Variants in MCPH1 observed in about 807,000 individuals in gnomAD.
MCPH1 encodes microcephalin.
MCPH1 carries 104 observed loss-of-function variants against 84.5 expected under a neutral mutation model. The ratio of observed to expected loss-of-function variants is 1.23; its 90% CI spans 1.05 to 1.45. The LOEUF (loss-of-function observed/expected upper bound fraction) is 1.45, where lower values mean the gene tolerates loss of function less well. MCPH1 is among the 40% of genes most tolerant of loss of function. The pLI is 0.00. For synonymous variants in MCPH1, 514 were observed against 366.8 expected, an observed-to-expected ratio of 1.40 and a Z score of -4.58; for missense variants, 1,498 against 1,005.7, an observed-to-expected ratio of 1.49 and a Z score of -6.62.
At chr8:6,534,697 A>G (rs545023836) in intron 12 of MCPH1, among the ~76,000 whole-genome samples, 2 of 152,346 alleles carry the variant, frequency 1.3e-5, no homozygotes, top group East Asian at 1.9e-4. Context: ...GCCAGCAACC[A>G]TCTCTATTAT....
chr8:6,612,587 T>C (rs1830380357), intron 12 of MCPH1, among the ~76,000 whole-genome samples: 1 of 152,204 alleles, frequency 6.6e-6, no homozygotes, highest in Admixed American at 6.5e-5. Flanking sequence ...TGACCCCCAC[T>C]GCGTCCGGCA....
At chr8:6,468,299 G>A (rs1004519547) in intron 9 of MCPH1, among the ~76,000 whole-genome samples, 1 of 152,122 alleles carries the variant, frequency 6.6e-6, no homozygotes, top group African/African-American at 2.4e-5. Context: ...GTTCCCGGGT[G>A]TCACCTGTGC....
Position 6,562,552 on chromosome 8 carries a change from C to CTTTTTTTTTTTGTTTTTTTTTTTT in MCPH1, c.2215-58891_2215-58890insGTTTTTTTTTTTTTTTTTTTTTTT, listed in dbSNP as rs1825706400. 2.8e-5 allele frequency: 2 copies of CTTTTTTTTTTTGTTTTTTTTTTTT among 71,748 alleles called. 1 individual carries two copies. Among genetic ancestry groups the CTTTTTTTTTTTGTTTTTTTTTTTT allele is most frequent in the Non-Finnish European group, 5.2e-5 (2 of 38,826 alleles). 4.4% of individuals were successfully genotyped at this position (71,748 alleles called of 1,614,324 possible). ...AGCTCTAATCCTCTTCATCCTCCTT[C>CTTTTTTTTTTTGTTTTTTTTTTTT]TTTTTTTTTTTTTTTTTTTGGTTGT... is the stretch of plus-strand genomic sequence containing the variant. On this transcript the variant is annotated intron_variant, in intron 12 of 13. Transcript: ENST00000344683.
intron 12 of MCPH1, among the ~76,000 whole-genome samples, chr8:6,528,515 C>G (rs532029544): frequency 1.3e-5 from 2 of 152,194 alleles, no homozygotes; most frequent in South Asian, 4.1e-4. Context: ...TGCCATTTCT[C>G]CTTCCTGTTT....
chr8:6,471,278 C>A (rs1222714517), intron 9 of MCPH1, among the ~76,000 whole-genome samples: 2 of 152,218 alleles, frequency 1.3e-5, no homozygotes, highest in East Asian at 3.8e-4. Flanking sequence ...GAATATCACT[C>A]TCAAATACGA....
At chr8:6,408,566 C>G (rs1798071130) in intron 1 of MCPH1, among the ~76,000 whole-genome samples, 1 of 151,982 alleles carries the variant, frequency 6.6e-6, no homozygotes, top group South Asian at 2.1e-4. Context: ...GAGGCAAGGT[C>G]TTTCTCTGCT....
intron 3 of MCPH1, 83 bp from the exon 4 acceptor site, chr8:6,431,416 G>C (rs1801813890): frequency 1.0e-6 from 1 of 993,392 alleles, no homozygotes; most frequent in African/African-American, 1.6e-5. Flanking sequence ...TTCTTAAATT[G>C]CTAATACATG....
chr8:6,439,178 A>G, intron 6 of MCPH1, 82 bp downstream of exon 6: 1 of 1,399,638 alleles, frequency 7.1e-7, no homozygotes, highest in Admixed American at 1.9e-5. Context: ...CTTTGCCTAG[A>G]TATTTTAATG....
intron 11 of MCPH1, among the ~76,000 whole-genome samples, chr8:6,491,566 C>T (rs2979658): frequency 0.073 from 11,046 of 151,512 alleles, 1,030 homozygotes; most frequent in African/African-American, 0.21. Flanking sequence ...TGCTGGTGTG[C>T]TGCACTCATT....
intron 12 of MCPH1, among the ~76,000 whole-genome samples, chr8:6,528,096 C>A (rs560173669): frequency 1.3e-5 from 2 of 152,082 alleles, no homozygotes; most frequent in Non-Finnish European, 2.9e-5. Context: ...GGGGTTTCAC[C>A]ATGTTGGCCA....
intron 3 of MCPH1, among the ~76,000 whole-genome samples, chr8:6,416,725 G>T (rs555633832): frequency 7.9e-5 from 12 of 152,152 alleles, no homozygotes; most frequent in Non-Finnish European, 1.6e-4. Context: ...CGGATGCGGT[G>T]GCTCACACCT....
chr8:6,552,026 C>A (rs1586579533), intron 12 of MCPH1, among the ~76,000 whole-genome samples: 1 of 152,328 alleles, frequency 6.6e-6, no homozygotes, highest in African/African-American at 2.4e-5. Flanking sequence ...TTGATATCAT[C>A]TGTTGATTCC....
At chr8:6,640,250 T>G (rs1168956051) in intron 13 of MCPH1, among the ~76,000 whole-genome samples, 1 of 152,110 alleles carries the variant, frequency 6.6e-6, no homozygotes, top group African/African-American at 2.4e-5. Context: ...GCAGTGAAAT[T>G]ACTGTGCCCT....
At chr8:6,526,136 G>C (rs920321121) in intron 12 of MCPH1, among the ~76,000 whole-genome samples, 4 of 151,706 alleles carry the variant, frequency 2.6e-5, no homozygotes, top group Non-Finnish European at 4.4e-5. Context: ...TTAAGAAAAC[G>C]ACGCCAGGTA....
At chr8:6,528,851 T>G (rs80049401) in intron 12 of MCPH1, among the ~76,000 whole-genome samples, 1,664 of 152,350 alleles carry the variant, frequency 0.011, 32 homozygotes, top group African/African-American at 0.039. Flanking sequence ...TCAGGGATGG[T>G]CTTATCCTTA....
chr8:6,522,661 C>T (rs1164738980), intron 12 of MCPH1, among the ~76,000 whole-genome samples: 1 of 151,544 alleles, frequency 6.6e-6, no homozygotes, highest in Non-Finnish European at 1.5e-5. Context: ...GTAATCCCAG[C>T]TACTCAGGAG....
intron 8 of MCPH1, chr8:6,446,413 C>T (rs1312522325): frequency 2.4e-5 from 24 of 985,186 alleles, no homozygotes; most frequent in Middle Eastern, 5.2e-4. Context: ...GTCATGGTAG[C>T]GTTTGAAATC....
rs548353207 is a variant in MCPH1 at position 6,472,715 on chromosome 8, G to A, written c.1936-4879G>A. Among the ~76,000 whole-genome samples the A allele has an allele frequency of 5.3e-5, 8 of 152,196 alleles. No individual in the cohort carries two copies. In the East Asian group the frequency reaches 9.6e-4, roughly 18 times the overall value. On this transcript the variant is annotated intron_variant, in intron 9 of 13. Coordinates refer to ENST00000344683, the MANE Select transcript of MCPH1 (RefSeq NM_024596.5). ...ACTCCTGACCTCAGGTAATCCACCC[G>A]CCTCGGCTTCCCAAAGTGCTGGAAT...
chr8:6,571,097 A>G (rs1826625275), intron 12 of MCPH1, among the ~76,000 whole-genome samples: 1 of 152,108 alleles, frequency 6.6e-6, no homozygotes, highest in South Asian at 2.1e-4. Flanking sequence ...TAGTATTATT[A>G]TGGAATATTT....
Sources: allele counts gnomAD v4.1 joint callset (sites outside exome capture counted in the v4.1 genomes callset), GRCh38; gene constraint gnomAD v4.1.1; transcripts MANE v1.5; gene names NCBI Gene and HGNC (gene_info 2026-07-23, HGNC 2026-07-21).